Variants in MAML3 observed in about 807,000 individuals in gnomAD.
MAML3 encodes mastermind-like protein 3.
A neutral mutation model predicts 101.9 loss-of-function variants in MAML3; 27 were observed. The ratio of observed to expected loss-of-function variants is 0.27; its 90% CI spans 0.20 to 0.37. The LOEUF is 0.37. Ranked by LOEUF, MAML3 falls within the 10% of genes least tolerant of loss-of-function variation. The pLI is 1.00. For missense variants in MAML3, 1,316 were observed against 1,444.9 expected, an observed-to-expected ratio of 0.91 and a Z score of 1.45; for synonymous variants, 501 against 555.9, an observed-to-expected ratio of 0.90 and a Z score of 1.39.
chr4:139,805,626 C>T (rs1730686378), intron 2 of MAML3, among the ~76,000 whole-genome samples: 1 of 152,102 alleles, frequency 6.6e-6, no homozygotes, highest in Non-Finnish European at 1.5e-5. Context: ...GTTCTTATTC[C>T]TGAATGAAGA....
At chr4:139,887,513 T>C (rs1299159044) in intron 2 of MAML3, among the ~76,000 whole-genome samples, 3 of 152,206 alleles carry the variant, frequency 2.0e-5, no homozygotes, top group Non-Finnish European at 4.4e-5. Flanking sequence ...CAGTGACACA[T>C]AGTTAGGCAG....
intron 1 of MAML3, among the ~76,000 whole-genome samples, chr4:139,942,851 ACAAAC>A (rs1389587016): frequency 6.6e-6 from 1 of 152,194 alleles, no homozygotes; most frequent in Non-Finnish European, 1.5e-5. Context: ...TCACACAGAG[ACAAAC>A]CATTTTCAGG....
intron 2 of MAML3, among the ~76,000 whole-genome samples, chr4:139,871,020 G>T (rs975715848): frequency 1.3e-5 from 2 of 152,138 alleles, no homozygotes; most frequent in African/African-American, 4.8e-5. Flanking sequence ...ATGTTTGTGT[G>T]TACATACACA....
chr4:139,883,031 C>A (rs1405483827), intron 2 of MAML3, among the ~76,000 whole-genome samples: 1 of 152,102 alleles, frequency 6.6e-6, no homozygotes, highest in Non-Finnish European at 1.5e-5. Flanking sequence ...GGGAATAATT[C>A]AAGAAAGAGG....
At chr4:140,139,830 C>T (rs1728952454) in intron 1 of MAML3, among the ~76,000 whole-genome samples, 1 of 152,044 alleles carries the variant, frequency 6.6e-6, no homozygotes, top group South Asian at 2.1e-4. Flanking sequence ...GTCTACCTTG[C>T]ATATAGGTGA....
At chr4:140,034,236 A>G (rs888797738) in intron 1 of MAML3, among the ~76,000 whole-genome samples, 15 of 152,230 alleles carry the variant, frequency 9.9e-5, no homozygotes, top group African/African-American at 3.6e-4. Flanking sequence ...GACAGACCAA[A>G]TACAAACTGA....
rs1399953481 is a variant in MAML3 at position 139,985,580 on chromosome 4, A to T, written c.469-94613T>A. On this transcript the variant is annotated intron_variant, in intron 1 of 4. Coordinates refer to ENST00000509479, the MANE Select transcript of MAML3 (RefSeq NM_018717.5). ...GCCCAACTAACTTGTGAATCACTTA[A>T]ACCAGCTGTTTATGTCATTTAGCTA... 2.6e-5 allele frequency among the ~76,000 whole-genome samples: 4 copies of T among 152,382 alleles called. No homozygotes were observed. The East Asian group carries it at 7.7e-4, about 29-fold the overall frequency.
intron 2 of MAML3, among the ~76,000 whole-genome samples, chr4:139,821,508 T>C (rs1209604910): frequency 1.3e-5 from 2 of 152,052 alleles, no homozygotes; most frequent in Non-Finnish European, 1.5e-5. Context: ...TGTGGAAAAA[T>C]TGTCGTCTAG....
At chr4:139,781,160 C>T (rs921215881) in intron 2 of MAML3, among the ~76,000 whole-genome samples, 12 of 151,990 alleles carry the variant, frequency 7.9e-5, no homozygotes, top group Admixed American at 3.3e-4. Flanking sequence ...TATTTACCAC[C>T]GTCAAAGGTG....
chr4:139,994,476 G>C (rs1011526298), intron 1 of MAML3, among the ~76,000 whole-genome samples: 2 of 152,164 alleles, frequency 1.3e-5, no homozygotes, highest in African/African-American at 4.8e-5. Context: ...ACCAGGCTGG[G>C]CAACATAGCA....
chr4:140,023,980 T>C (rs1222236570), intron 1 of MAML3, among the ~76,000 whole-genome samples: 1 of 152,252 alleles, frequency 6.6e-6, no homozygotes, highest in Non-Finnish European at 1.5e-5. Context: ...TTTTACTTTC[T>C]TGTTTTTATA....
intron 1 of MAML3, among the ~76,000 whole-genome samples, chr4:140,108,814 T>C (rs1383556444): frequency 2.0e-5 from 3 of 152,020 alleles, no homozygotes; most frequent in Non-Finnish European, 4.4e-5. Context: ...TTAAGTGAAA[T>C]GTCAGAAGCT....
At chr4:139,747,733 T>A (rs781082624) in intron 2 of MAML3, among the ~76,000 whole-genome samples, 5 of 151,146 alleles carry the variant, frequency 3.3e-5, no homozygotes, top group Non-Finnish European at 5.9e-5. Flanking sequence ...CATCATTTGA[T>A]TACTGATACT....
intron 1 of MAML3, among the ~76,000 whole-genome samples, chr4:140,080,991 GAGCTGTTAGGT>G (rs1727852824): frequency 2.6e-5 from 4 of 152,016 alleles, no homozygotes; most frequent in African/African-American, 9.7e-5. Flanking sequence ...CAAAATATAT[GAGCTGTTAGGT>G]GGGTTCTTCC....
intron 1 of MAML3, among the ~76,000 whole-genome samples, chr4:139,989,553 C>CGTTGT (rs1560858789): frequency 2.0e-5 from 3 of 152,040 alleles, no homozygotes; most frequent in African/African-American, 7.2e-5. Context: ...CTATGACTCA[C>CGTTGT]GGTCCATGAG....
chr4:139,949,697 A>G (rs1733800824), intron 1 of MAML3, among the ~76,000 whole-genome samples: 1 of 152,230 alleles, frequency 6.6e-6, no homozygotes, highest in African/African-American at 2.4e-5. Context: ...CCTTTTGACA[A>G]GATTGTTAAC....
At chr4:140,124,059 A>T (rs1210056556) in intron 1 of MAML3, among the ~76,000 whole-genome samples, 1 of 152,188 alleles carries the variant, frequency 6.6e-6, no homozygotes, top group Non-Finnish European at 1.5e-5. Flanking sequence ...CCAAACATAT[A>T]TCAGTAACCA....
intron 1 of MAML3, among the ~76,000 whole-genome samples, chr4:140,092,577 C>T (rs777999218): frequency 1.1e-4 from 16 of 152,190 alleles, no homozygotes; most frequent in Non-Finnish European, 2.4e-4. Context: ...CGCCGCACTG[C>T]TCACTCACTC....
chr4:139,734,792 G>A (rs939030979), intron 2 of MAML3, among the ~76,000 whole-genome samples: 1 of 152,278 alleles, frequency 6.6e-6, no homozygotes, highest in African/African-American at 2.4e-5. Flanking sequence ...TTGGGTGAGA[G>A]GGGCCAGCCT....
Sources: allele counts gnomAD v4.1 joint callset (sites outside exome capture counted in the v4.1 genomes callset), GRCh38; gene constraint gnomAD v4.1.1; transcripts MANE v1.5; gene names NCBI Gene and HGNC (gene_info 2026-07-23, HGNC 2026-07-21).